KCNH8: variants seen among roughly 807,000 people sequenced by gnomAD.
The protein encoded by KCNH8 is voltage-gated delayed rectifier potassium channel KCNH8.
Under a neutral mutation model 103.6 loss-of-function variants are expected in KCNH8, and 70 were observed. That is an observed-to-expected ratio of 0.68 (90% CI 0.56 to 0.82). The LOEUF (loss-of-function observed/expected upper bound fraction) is 0.82, where lower values mean the gene tolerates loss of function less well. Among genes scored for constraint, KCNH8 ranks in the 40% least tolerant of loss-of-function variants. The pLI is 0.00. For synonymous variants in KCNH8, 498 were observed against 489.4 expected (o/e 1.02, Z -0.23); for missense variants, 1,217 against 1,329.9 (o/e 0.92, Z 1.32).
intron 1 of KCNH8, among the ~76,000 whole-genome samples, chr3:19,187,112 C>A (rs892212399): frequency 1.3e-5 from 2 of 151,708 alleles, no homozygotes; most frequent in African/African-American, 4.8e-5. Flanking sequence ...TGGTTTTCAA[C>A]CACTTAAAAA....
At chr3:19,233,189 CTGAG>C (rs1333831093) in intron 1 of KCNH8, among the ~76,000 whole-genome samples, 1 of 151,858 alleles carries the variant, frequency 6.6e-6, no homozygotes, top group Non-Finnish European at 1.5e-5. Flanking sequence ...TGTCAGCACA[CTGAG>C]TGGGTGCCAG....
At chr3:19,459,783 A>G (rs1363470193) in intron 11 of KCNH8, among the ~76,000 whole-genome samples, 1 of 152,158 alleles carries the variant, frequency 6.6e-6, no homozygotes. Flanking sequence ...ATGGTGTAAC[A>G]TAAAGATCTA....
chr3:19,443,322 G>A (rs1232042048), intron 8 of KCNH8, among the ~76,000 whole-genome samples: 1 of 150,832 alleles, frequency 6.6e-6, no homozygotes, highest in Non-Finnish European at 1.5e-5. Flanking sequence ...CCACCTAGGA[G>A]TCCTCTGGGA....
chr3:19,227,693 A>G (rs1023270294), intron 1 of KCNH8, among the ~76,000 whole-genome samples: 1 of 152,204 alleles, frequency 6.6e-6, no homozygotes, highest in Non-Finnish European at 1.5e-5. Context: ...TATGCTATAG[A>G]TTCAGGGAAA....
At chr3:19,482,138 C>T (rs2068099071) in intron 11 of KCNH8, among the ~76,000 whole-genome samples, 1 of 152,112 alleles carries the variant, frequency 6.6e-6, no homozygotes, top group Admixed American at 6.5e-5. Context: ...CTGCATGCAC[C>T]TGCACCGGTA....
At chr3:19,243,136 T>C (rs2064163393) in intron 1 of KCNH8, among the ~76,000 whole-genome samples, 1 of 152,218 alleles carries the variant, frequency 6.6e-6, no homozygotes, top group South Asian at 2.1e-4. Flanking sequence ...TCACAGCTGC[T>C]TAATAAACAA....
At chr3:19,257,954 T>A (rs1036448031) in intron 2 of KCNH8, among the ~76,000 whole-genome samples, 3 of 152,036 alleles carry the variant, frequency 2.0e-5, no homozygotes, top group Admixed American at 6.6e-5. Flanking sequence ...ATCCTTGGCC[T>A]GTAGAGTGTC....
At position 19,330,019 on chromosome 3, in the gene KCNH8, A is replaced by G. The variant is rs374069400; in HGVS notation, c.443-12568A>G. On this transcript the variant is annotated intron_variant, in intron 3 of 15. Coordinates refer to ENST00000328405, the MANE Select transcript of KCNH8 (RefSeq NM_144633.3). ...ATGAAGTTTTTTTCTAAAAGTAAAA[A>G]AAAAAGGATTGAATTCTTTAGCCTA... 2.0e-3 allele frequency among the ~76,000 whole-genome samples: 300 copies of G among 152,132 alleles called. 1 individual carries two copies. Among genetic ancestry groups the G allele is most frequent in the African/African-American group, 6.7e-3 (280 of 41,492 alleles).
chr3:19,324,975 G>T (rs1036128828), intron 3 of KCNH8, among the ~76,000 whole-genome samples: 2 of 152,122 alleles, frequency 1.3e-5, no homozygotes, highest in African/African-American at 4.8e-5. Flanking sequence ...GCATGGTACT[G>T]ATGTAAGAAC....
At chr3:19,188,630 C>T (rs574589056) in intron 1 of KCNH8, among the ~76,000 whole-genome samples, 10 of 152,024 alleles carry the variant, frequency 6.6e-5, no homozygotes, top group East Asian at 3.9e-4. Flanking sequence ...AGGTAAAGTA[C>T]GAAGCCATTA....
intron 15 of KCNH8, among the ~76,000 whole-genome samples, chr3:19,519,881 G>A (rs1438701169): frequency 6.6e-6 from 1 of 151,756 alleles, no homozygotes; most frequent in Non-Finnish European, 1.5e-5. Flanking sequence ...ATTAGAGTTA[G>A]TGATTCTTCT....
At chr3:19,279,524 G>A (rs1164442785) in intron 2 of KCNH8, among the ~76,000 whole-genome samples, 1 of 151,370 alleles carries the variant, frequency 6.6e-6, no homozygotes, top group Non-Finnish European at 1.5e-5. Flanking sequence ...GATTGCCATG[G>A]CATAGATATT....
intron 2 of KCNH8, among the ~76,000 whole-genome samples, chr3:19,279,940 A>G (rs1165032418): frequency 6.6e-6 from 1 of 152,152 alleles, no homozygotes; most frequent in Non-Finnish European, 1.5e-5. Context: ...TTTGAAATCA[A>G]CACCCAAATA....
chr3:19,513,039 G>C lies in KCNH8; in HGVS notation c.2149G>C (p.Glu717Gln). ...CATTGTGGAAGATGAGGAAGAGGAG[G>C]AGGAGGGGGAGGAAGAGGAGGCAGT... The part of the protein sequence containing the change: ...PSIVEDEEEE[E>Q]EGEEEEAVSL... Residue 717 changes from glutamate (E) to glutamine (Q), a missense_variant, in exon 13 of 16, where the codon GAG becomes CAG. By Grantham distance (29) the Glu-to-Gln change is conservative (BLOSUM62 2). Around this residue, in one of 3 missense-constraint regions of KCNH8, gnomAD observed 558 missense variants for 495.8 expected, o/e 1.13. Coordinates refer to ENST00000328405, the MANE Select transcript of KCNH8 (RefSeq NM_144633.3). The C allele has an allele frequency of 6.2e-7, 1 of 1,613,720 alleles. No individual in the cohort carries two copies. The highest frequency in any genetic ancestry group is 2.2e-5 in the East Asian group (1 of 44,814).
intron 5 of KCNH8, among the ~76,000 whole-genome samples, chr3:19,356,334 C>T (rs73182755): frequency 0.098 from 14,877 of 151,878 alleles, 884 homozygotes; most frequent in East Asian, 0.17. Flanking sequence ...CATTCTTCCC[C>T]AGACCACTTA....
chr3:19,186,300 A>G (rs1418922364), intron 1 of KCNH8, among the ~76,000 whole-genome samples: 3 of 151,516 alleles, frequency 2.0e-5, no homozygotes, highest in African/African-American at 7.3e-5. Flanking sequence ...AAAAAAAAAA[A>G]AAAGAAAAAA....
intron 1 of KCNH8, among the ~76,000 whole-genome samples, chr3:19,219,668 A>G (rs918642436): frequency 6.6e-6 from 1 of 152,234 alleles, no homozygotes. Context: ...TGCCATCTTC[A>G]TGATGACTGC....
At position 19,243,686 on chromosome 3, in the gene KCNH8, A is replaced by G. The variant is rs191762369; in HGVS notation, c.77-9968A>G. The stretch of plus-strand genomic sequence containing the variant: ...TTGTATATGTTGTCTTCAAAAATTC[A>G]AATTTAAAAGACCTATCAGTGTAAA... On this transcript the variant is annotated intron_variant, in intron 1 of 15. Transcript: ENST00000328405. Among the ~76,000 whole-genome samples the G allele has an allele frequency of 1.8e-4, 28 of 152,328 alleles. No homozygotes were observed. In the East Asian group the frequency reaches 4.6e-3, roughly 25 times the overall value.
intron 1 of KCNH8, among the ~76,000 whole-genome samples, chr3:19,177,347 G>C (rs1402743906): frequency 6.6e-6 from 1 of 152,020 alleles, no homozygotes; most frequent in African/African-American, 2.4e-5. Context: ...TTATAAATGA[G>C]TTTTAATGAG....
Sources: allele counts gnomAD v4.1 joint callset (sites outside exome capture counted in the v4.1 genomes callset), GRCh38; gene constraint gnomAD v4.1.1; regional missense constraint gnomAD v4.1.1; transcripts MANE v1.5; gene names NCBI Gene and HGNC (gene_info 2026-07-23, HGNC 2026-07-21).